Variants in ARHGAP10 observed in about 807,000 individuals in gnomAD.
ARHGAP10 encodes Rho GTPase activating protein 10.
In ARHGAP10, 87 loss-of-function variants were observed where a neutral mutation model predicts 108.6. The observed-to-expected ratio is 0.80, with a 90% CI of 0.67 to 0.96. The LOEUF is 0.96. ARHGAP10 is among the 40% of genes least tolerant of loss of function. ARHGAP10 has a pLI of 0.00. For synonymous variants in ARHGAP10, 347 were observed against 341.1 expected (o/e 1.02, Z -0.19); for missense variants, 939 against 954.5 (o/e 0.98, Z 0.21).
At chr4:147,965,971 T>A (rs1231685247) in intron 17 of ARHGAP10, among the ~76,000 whole-genome samples, 2 of 152,196 alleles carry the variant, frequency 1.3e-5, no homozygotes, top group African/African-American at 2.4e-5. Flanking sequence ...ATGCAAAGGC[T>A]TTTTGAAGAT....
chr4:147,737,705 G>T (rs951001885), intron 1 of ARHGAP10, among the ~76,000 whole-genome samples: 1 of 152,184 alleles, frequency 6.6e-6, no homozygotes, highest in Admixed American at 6.5e-5. Flanking sequence ...TTATTACAGT[G>T]GCTGGTCTCC....
At chr4:148,013,233 G>T (rs1316805271) in intron 18 of ARHGAP10, among the ~76,000 whole-genome samples, 3 of 152,160 alleles carry the variant, frequency 2.0e-5, no homozygotes, top group African/African-American at 7.2e-5. Context: ...ATGGAAAAAA[G>T]AAAGTATTGG....
At chr4:147,986,851 A>G (rs936602808) in intron 18 of ARHGAP10, among the ~76,000 whole-genome samples, 12 of 152,204 alleles carry the variant, frequency 7.9e-5, no homozygotes, top group African/African-American at 2.9e-4. Flanking sequence ...CCAAATTCAC[A>G]TAGTTGGTAA....
intron 7 of ARHGAP10, among the ~76,000 whole-genome samples, chr4:147,870,032 G>A (rs890960024): frequency 6.6e-6 from 1 of 151,584 alleles, no homozygotes; most frequent in Non-Finnish European, 1.5e-5. Context: ...GTGTGTGTGT[G>A]TGTGTGTGTG....
At chr4:147,914,319 C>T (rs1056972600) in intron 13 of ARHGAP10, among the ~76,000 whole-genome samples, 4 of 152,038 alleles carry the variant, frequency 2.6e-5, no homozygotes, top group Admixed American at 2.6e-4. Context: ...CTGGCACCTA[C>T]CTTCCTCCTT....
rs1409296815 is a variant in ARHGAP10, at chr4:148,023,359, C to G, written c.1813C>G (p.Gln605Glu). The G allele has an allele frequency of 6.2e-7, 1 of 1,614,066 alleles. No homozygotes were observed. Among genetic ancestry groups the G allele is most frequent in the Non-Finnish European group, 8.5e-7 (1 of 1,180,030 alleles). The change falls in exon 19 of 23, where the codon CAG becomes GAG. Residue 605 changes from glutamine (Q) to glutamate (E), a missense_variant. Gln to Glu is a conservative substitution (Grantham distance 29). Transcript: ENST00000336498. ...APPRQSKRQG[Q>E]RTKRPVAVYN... Reference sequence around the variant, plus strand: ...ACCAAGGCAGTCGAAGAGACAAGGCCAGAGAACCAAGAGGCCCGTGGCCGT... The same window carrying G: ...ACCAAGGCAGTCGAAGAGACAAGGCGAGAGAACCAAGAGGCCCGTGGCCGT...
At chr4:148,042,843 G>A (rs1444579076) in intron 19 of ARHGAP10, among the ~76,000 whole-genome samples, 2 of 152,140 alleles carry the variant, frequency 1.3e-5, no homozygotes, top group Admixed American at 6.5e-5. Flanking sequence ...GGCTCAAAAC[G>A]GGAGAGGATG....
At chr4:148,052,192 C>A (rs553602520) in intron 20 of ARHGAP10, among the ~76,000 whole-genome samples, 1 of 151,808 alleles carries the variant, frequency 6.6e-6, no homozygotes, top group Admixed American at 6.6e-5. Context: ...ACTGGCAAAC[C>A]CTGTCTTCAC....
intron 1 of ARHGAP10, among the ~76,000 whole-genome samples, chr4:147,790,079 A>G (rs1731059179): frequency 6.6e-6 from 1 of 151,284 alleles, no homozygotes; most frequent in East Asian, 1.9e-4. Flanking sequence ...GGCTCCAACA[A>G]CAGACATTTA....
intron 19 of ARHGAP10, among the ~76,000 whole-genome samples, chr4:148,024,660 T>C (rs1002531447): frequency 3.3e-5 from 5 of 152,220 alleles, no homozygotes; most frequent in African/African-American, 1.2e-4. Context: ...CATGAATCAT[T>C]ACAATTAAGC....
chr4:147,747,526 G>T (rs113265930), intron 1 of ARHGAP10, among the ~76,000 whole-genome samples: 3 of 152,204 alleles, frequency 2.0e-5, no homozygotes, highest in Non-Finnish European at 4.4e-5. Context: ...TGACCGCCAT[G>T]GAGGTGGCCA....
intron 1 of ARHGAP10, among the ~76,000 whole-genome samples, chr4:147,817,682 A>C (rs1732312693): frequency 6.6e-6 from 1 of 152,192 alleles, no homozygotes; most frequent in Non-Finnish European, 1.5e-5. Flanking sequence ...ACAAAAATTC[A>C]AGTCTGGAAG....
At chr4:147,865,646 T>G (rs1459842448) in intron 6 of ARHGAP10, 2 of 152,252 alleles carry the variant, frequency 1.3e-5, no homozygotes, top group Non-Finnish European at 2.9e-5. Context: ...GAATGGTTTC[T>G]TTTTCTTAAA....
chr4:147,830,512 C>CTTTTTT (rs56946602), intron 3 of ARHGAP10, among the ~76,000 whole-genome samples: 26 of 102,272 alleles, frequency 2.5e-4, no homozygotes, highest in South Asian at 9.3e-4. Flanking sequence ...ACCACAATTC[C>CTTTTTT]TTTTTTTTTT....
chr4:147,941,153 G>T (rs893282418), intron 14 of ARHGAP10, among the ~76,000 whole-genome samples: 1 of 152,182 alleles, frequency 6.6e-6, no homozygotes, highest in Admixed American at 6.5e-5. Context: ...ATGATGATTA[G>T]AACTGGAAGA....
chr4:147,978,307 C>T (rs1296212655), intron 18 of ARHGAP10, among the ~76,000 whole-genome samples: 1 of 152,096 alleles, frequency 6.6e-6, no homozygotes, highest in Non-Finnish European at 1.5e-5. Context: ...TAAGCATTCC[C>T]TTTTTTTCCC....
At chr4:147,781,060 C>A (rs1302392616) in intron 1 of ARHGAP10, among the ~76,000 whole-genome samples, 1 of 152,106 alleles carries the variant, frequency 6.6e-6, no homozygotes, top group Admixed American at 6.6e-5. Context: ...AGTGACCTAA[C>A]CTAGGACTAC....
At chr4:147,745,222 G>C (rs1398224963) in intron 1 of ARHGAP10, 3 of 152,134 alleles carry the variant, frequency 2.0e-5, no homozygotes, top group Non-Finnish European at 4.4e-5. Context: ...AGCAGAACTG[G>C]GAGCCTGCTT....
At chr4:147,758,314 C>A (rs935386297) in intron 1 of ARHGAP10, among the ~76,000 whole-genome samples, 4 of 151,858 alleles carry the variant, frequency 2.6e-5, no homozygotes, top group Admixed American at 6.6e-5. Flanking sequence ...AAACCTAAAC[C>A]TTTGGCTAAT....
Sources: gnomAD v4.1 joint callset for allele counts (sites outside exome capture counted in the v4.1 genomes callset) on GRCh38, gnomAD v4.1.1 for gene constraint, MANE v1.5 for transcripts, NCBI Gene and HGNC (gene_info 2026-07-23, HGNC 2026-07-21) for gene names.